Variants in ASIC2 observed in about 807,000 individuals in gnomAD.
The protein encoded by ASIC2 is acid-sensing ion channel 2.
ASIC2 carries 25 observed loss-of-function variants against 57.3 expected under a neutral mutation model. The observed-to-expected ratio is 0.44, with a 90% CI of 0.32 to 0.61. ASIC2 has a LOEUF of 0.61. Among genes scored for constraint, ASIC2 ranks in the 20% least tolerant of loss-of-function variants. ASIC2 has a pLI of 0.06. For synonymous variants in ASIC2, 319 were observed against 307.5 expected, an observed-to-expected ratio of 1.04 and a Z score of -0.39; for missense variants, 641 against 738.1, an observed-to-expected ratio of 0.87 and a Z score of 1.52.
At chr17:33,301,603 A>T (rs1172027121) in intron 1 of ASIC2, among the ~76,000 whole-genome samples, 1 of 152,190 alleles carries the variant, frequency 6.6e-6, no homozygotes, top group Non-Finnish European at 1.5e-5. Flanking sequence ...TACAAAGTCC[A>T]CTTAGATGTG....
intron 1 of ASIC2, among the ~76,000 whole-genome samples, chr17:33,506,736 C>G (rs1914275361): frequency 6.6e-6 from 1 of 152,222 alleles, no homozygotes; most frequent in Non-Finnish European, 1.5e-5. Flanking sequence ...ATCGATCTCT[C>G]GGATCCTCAG....
At chr17:33,869,164 A>G (rs1914324105) in intron 1 of ASIC2, among the ~76,000 whole-genome samples, 1 of 152,226 alleles carries the variant, frequency 6.6e-6, no homozygotes, top group Non-Finnish European at 1.5e-5. Context: ...GACGCTCACT[A>G]TCATTAGCTA....
At chr17:34,145,397 G>A (rs1047435844) in intron 1 of ASIC2, among the ~76,000 whole-genome samples, 6 of 152,230 alleles carry the variant, frequency 3.9e-5, no homozygotes, top group East Asian at 3.9e-4. Context: ...ATCTGTGCAG[G>A]AAGGAAATAA....
intron 1 of ASIC2, among the ~76,000 whole-genome samples, chr17:33,197,407 T>C (rs1355535674): frequency 1.3e-5 from 2 of 152,214 alleles, no homozygotes; most frequent in East Asian, 3.9e-4. Flanking sequence ...GTTTCTCTGA[T>C]CCTCTTCCAT....
intron 1 of ASIC2, among the ~76,000 whole-genome samples, chr17:33,929,814 G>C (rs546608003): frequency 6.6e-6 from 1 of 152,202 alleles, no homozygotes; most frequent in African/African-American, 2.4e-5. Flanking sequence ...TCTAGTGCCT[G>C]TATTATTACA....
chr17:33,570,402 A>G (rs933197894), intron 1 of ASIC2, among the ~76,000 whole-genome samples: 1 of 152,194 alleles, frequency 6.6e-6, no homozygotes, highest in Non-Finnish European at 1.5e-5. Flanking sequence ...TCTGCTCTGA[A>G]GCCTTTATTC....
intron 1 of ASIC2, among the ~76,000 whole-genome samples, chr17:33,184,982 T>C (rs920130469): frequency 1.3e-5 from 2 of 152,106 alleles, no homozygotes; most frequent in African/African-American, 4.8e-5. Context: ...ACCCTATCAC[T>C]CCTTTGAGAG....
At chr17:33,861,055 C>CT in intron 1 of ASIC2, among the ~76,000 whole-genome samples, 1 of 152,070 alleles carries the variant, frequency 6.6e-6, no homozygotes, top group Admixed American at 6.6e-5. Flanking sequence ...GAAAACTATT[C>CT]TTTTTTAACA....
chr17:33,579,832 G>T (rs922757580), intron 1 of ASIC2, among the ~76,000 whole-genome samples: 1 of 152,122 alleles, frequency 6.6e-6, no homozygotes, highest in African/African-American at 2.4e-5. Context: ...TCTGGCTCGG[G>T]TGGGCTGCAT....
intron 1 of ASIC2, among the ~76,000 whole-genome samples, chr17:33,637,321 A>G (rs1386111436): frequency 6.6e-6 from 1 of 152,040 alleles, no homozygotes; most frequent in Non-Finnish European, 1.5e-5. Flanking sequence ...CTAGATCTGC[A>G]TCTCCAGCTC....
rs140914641 is a variant in ASIC2, at chr17:33,689,351, C to T, written c.555+466627G>A. Among the ~76,000 whole-genome samples, 53 of 152,244 alleles carry T rather than the reference C, an allele frequency of 3.5e-4. No homozygotes were observed. In the East Asian group the frequency reaches 4.4e-3, roughly 13 times the overall value. On this transcript the variant is annotated intron_variant, in intron 1 of 9. Coordinates refer to the ASIC2 transcript ENST00000359872. ...CTCCCAAGTACTGGGATTACTGGCA[C>T]GGGCCACAGCACCCGGACTAGCCTC... is the stretch of plus-strand genomic sequence containing the variant.
intron 1 of ASIC2, among the ~76,000 whole-genome samples, chr17:33,753,379 G>A (rs148928132): frequency 6.6e-6 from 1 of 152,324 alleles, no homozygotes; most frequent in African/African-American, 2.4e-5. Flanking sequence ...GTATGATACT[G>A]TAGTAGTGGA....
intron 1 of ASIC2, among the ~76,000 whole-genome samples, chr17:34,092,967 C>G (rs571698882): frequency 6.6e-6 from 1 of 152,246 alleles, no homozygotes; most frequent in African/African-American, 2.4e-5. Context: ...GCATATTTGT[C>G]TGAAGCTTGA....
At chr17:33,434,101 C>T (rs970854332) in intron 1 of ASIC2, among the ~76,000 whole-genome samples, 1 of 151,628 alleles carries the variant, frequency 6.6e-6, no homozygotes, top group South Asian at 2.1e-4. Context: ...GGCAACATTA[C>T]GAGACCTCCT....
chr17:33,703,876 T>A (rs1181090704), intron 1 of ASIC2, among the ~76,000 whole-genome samples: 2 of 152,200 alleles, frequency 1.3e-5, no homozygotes, highest in East Asian at 3.9e-4. Context: ...TCCTAAGCTC[T>A]GACCTTTAGC....
intron 1 of ASIC2, among the ~76,000 whole-genome samples, chr17:33,851,519 A>T (rs1913763948): frequency 6.6e-6 from 1 of 152,208 alleles, no homozygotes. Context: ...AAAACAATCC[A>T]CAACAGCAAA....
chr17:34,081,582 C>G (rs977900312), intron 1 of ASIC2, among the ~76,000 whole-genome samples: 12 of 152,170 alleles, frequency 7.9e-5, no homozygotes, highest in African/African-American at 2.9e-4. Context: ...CCCACCACCT[C>G]AAAATCCTTC....
chr17:34,047,444 T>C (rs1908378988), intron 1 of ASIC2, among the ~76,000 whole-genome samples: 1 of 140,982 alleles, frequency 7.1e-6, no homozygotes, highest in Non-Finnish European at 1.5e-5. Context: ...ATGATTCTAA[T>C]ATTCTATAAC....
intron 1 of ASIC2, among the ~76,000 whole-genome samples, chr17:33,973,345 C>T (rs1905275682): frequency 2.0e-5 from 3 of 152,196 alleles, no homozygotes; most frequent in Admixed American, 2.0e-4. Flanking sequence ...TCCTAGCTTC[C>T]CATTCAGGTG....
Sources: gnomAD v4.1 joint callset for allele counts (sites outside exome capture counted in the v4.1 genomes callset) on GRCh38, gnomAD v4.1.1 for gene constraint, MANE v1.5 for transcripts, NCBI Gene and HGNC (gene_info 2026-07-23, HGNC 2026-07-21) for gene names.